Variants in SYT9 observed in about 807,000 individuals in gnomAD.
The protein encoded by SYT9 is synaptotagmin 9.
A neutral mutation model predicts 48.4 loss-of-function variants in SYT9; 22 were observed. That is an observed-to-expected ratio of 0.45 (90% CI 0.32 to 0.65). The LOEUF is 0.65. Among genes scored for constraint, SYT9 ranks in the 30% least tolerant of loss-of-function variants. The pLI is 0.03. For missense variants in SYT9, 577 were observed against 622.0 expected, an observed-to-expected ratio of 0.93 and a Z score of 0.77; for synonymous variants, 265 against 245.0, an observed-to-expected ratio of 1.08 and a Z score of -0.76.
chr11:7,280,926 CT>C (rs2133902045), intron 1 of SYT9, among the ~76,000 whole-genome samples: 1 of 152,232 alleles, frequency 6.6e-6, no homozygotes, highest in East Asian at 1.9e-4. Context: ...TGAATATTAC[CT>C]TTGTTTTCAG....
At chr11:7,371,828 T>C (rs1468503539) in intron 3 of SYT9, among the ~76,000 whole-genome samples, 3 of 152,168 alleles carry the variant, frequency 2.0e-5, no homozygotes, top group Non-Finnish European at 2.9e-5. Flanking sequence ...GTATCAGTAG[T>C]TTGTTCCTTT....
chr11:7,389,053 G>A (rs933300968), intron 3 of SYT9, among the ~76,000 whole-genome samples: 1 of 152,214 alleles, frequency 6.6e-6, no homozygotes, highest in Admixed American at 6.5e-5. Flanking sequence ...TAGGCTTGGT[G>A]TGCTTGAACC....
chr11:7,307,866 C>T lies in SYT9; in HGVS notation c.497+4476C>T, dbSNP rs1485971708. Among the ~76,000 whole-genome samples, 9 of 152,320 alleles carry T rather than the reference C, an allele frequency of 5.9e-5. No individual in the cohort carries two copies. In the South Asian group the frequency reaches 1.5e-3, roughly 25 times the overall value. On this transcript the variant is annotated intron_variant, in intron 2 of 6. Transcript: ENST00000318881. ...GATAAAGTATTCAAGGTTTCAAATC[C>T]GTTTAACTTTGGAGGGAGTGGGAGG... is the stretch of plus-strand genomic sequence containing the variant.
chr11:7,243,815 A>G (rs781684412), intron 1 of SYT9, among the ~76,000 whole-genome samples: 5 of 152,134 alleles, frequency 3.3e-5, no homozygotes, highest in African/African-American at 4.8e-5. Context: ...ACACTCTCTA[A>G]CCAATTTTGG....
At chr11:7,241,304 G>T (rs757153173) in intron 1 of SYT9, among the ~76,000 whole-genome samples, 4 of 151,600 alleles carry the variant, frequency 2.6e-5, no homozygotes, top group Non-Finnish European at 5.9e-5. Context: ...AGTGAAAAAT[G>T]ATAACAGAGA....
chr11:7,416,117 A>T lies in SYT9; in HGVS notation c.1120A>T (p.Ile374Leu), dbSNP rs1188106387. 2 of 1,614,092 alleles carry T rather than the reference A, an allele frequency of 1.2e-6. No individual in the cohort carries two copies. Among genetic ancestry groups the T allele is most frequent in the African/African-American group, 2.7e-5 (2 of 74,920 alleles). ...PTAGRLTITI[I>L]KARNLKAMDI... The stretch of plus-strand genomic sequence containing the variant: ...GGCTGGCAGGCTGACCATTACCATT[A>T]TAAAAGCAAGGAATTTAAAGGCAAT... Residue 374 changes from isoleucine (I) to leucine (L), a missense_variant, in exon 4 of 7, where the codon ATA becomes TTA. Transcript: ENST00000318881.
At chr11:7,394,225 C>T (rs1432706587) in intron 3 of SYT9, among the ~76,000 whole-genome samples, 1 of 150,354 alleles carries the variant, frequency 6.7e-6, no homozygotes. Flanking sequence ...GGTTTTTTGT[C>T]CTTGTGATAG....
intron 3 of SYT9, among the ~76,000 whole-genome samples, chr11:7,369,794 A>AAACACACACACACACACAC (rs1564879657): frequency 1.3e-4 from 18 of 143,984 alleles, no homozygotes; most frequent in African/African-American, 3.9e-4. Flanking sequence ...CACACACACA[A>AAACACACACACACACACAC]ACACACACAC....
intron 3 of SYT9, among the ~76,000 whole-genome samples, chr11:7,346,647 C>T (rs1406055260): frequency 6.6e-6 from 1 of 152,152 alleles, no homozygotes; most frequent in Non-Finnish European, 1.5e-5. Flanking sequence ...TTTATAGTAA[C>T]TACAAAATCA....
upstream of SYT9, among the ~76,000 whole-genome samples, chr11:7,248,120 C>A (rs949037731): frequency 1.3e-5 from 2 of 152,036 alleles, no homozygotes; most frequent in Admixed American, 1.3e-4. Context: ...ATTTGTATAT[C>A]TTCTTTTGAG....
intron 3 of SYT9, among the ~76,000 whole-genome samples, chr11:7,345,856 A>G (rs1292546242): frequency 2.0e-5 from 3 of 152,218 alleles, no homozygotes; most frequent in African/African-American, 7.2e-5. Context: ...GTTTTTGAAG[A>G]ATACTAATGT....
At chr11:7,247,249 C>A (rs78782430), upstream of SYT9, among the ~76,000 whole-genome samples, 2,285 of 152,046 alleles carry the variant, frequency 0.015, 53 homozygotes, top group African/African-American at 0.053. Flanking sequence ...ATCTCCTGCC[C>A]CCTTCCCACC....
chr11:7,264,372 C>CT lies in SYT9; in HGVS notation c.145+12049dup, dbSNP rs34360620. ...GTGTGTGTTTCTTCCATGTTCAGCT[C>CT]TTTTTTTTGCAGGCATGGAAGAGAG... On this transcript the variant is annotated intron_variant, in intron 1 of 6. Coordinates refer to ENST00000318881, the MANE Select transcript of SYT9 (RefSeq NM_175733.4). Among the ~76,000 whole-genome samples the CT allele has an allele frequency of 1.1e-4, 16 of 151,688 alleles. No homozygotes were observed. In the East Asian group the frequency reaches 2.3e-3, roughly 22 times the overall value.
At chr11:7,343,450 A>G (rs1849747725) in intron 3 of SYT9, among the ~76,000 whole-genome samples, 1 of 152,204 alleles carries the variant, frequency 6.6e-6, no homozygotes, top group Non-Finnish European at 1.5e-5. Context: ...AAATGTTGCC[A>G]GTCTCTTTGC....
chr11:7,447,012 A>G (rs978897912), intron 6 of SYT9, among the ~76,000 whole-genome samples: 3 of 152,136 alleles, frequency 2.0e-5, no homozygotes, highest in African/African-American at 4.8e-5. Flanking sequence ...TTGCTTCACT[A>G]TTTGCAGTTT....
At chr11:7,254,183 G>A (rs1316576568) in intron 1 of SYT9, among the ~76,000 whole-genome samples, 1 of 152,152 alleles carries the variant, frequency 6.6e-6, no homozygotes, top group East Asian at 1.9e-4. Flanking sequence ...CTAGAGATAG[G>A]AGTCGACCTT....
intron 1 of SYT9, among the ~76,000 whole-genome samples, chr11:7,255,970 G>T (rs558777582): frequency 6.6e-6 from 1 of 152,252 alleles, no homozygotes. Flanking sequence ...GGTTTTCCTT[G>T]TAGGGAATTA....
At chr11:7,276,721 T>G (rs1848399724) in intron 1 of SYT9, among the ~76,000 whole-genome samples, 1 of 152,168 alleles carries the variant, frequency 6.6e-6, no homozygotes, top group Non-Finnish European at 1.5e-5. Context: ...TGTGCTCTTT[T>G]GCATTTTCCT....
chr11:7,354,476 G>A (rs1348817173), intron 3 of SYT9, among the ~76,000 whole-genome samples: 1 of 152,116 alleles, frequency 6.6e-6, no homozygotes, highest in Non-Finnish European at 1.5e-5. Context: ...TCACAAACAG[G>A]CCTGAGGTAG....
Sources: gnomAD v4.1 joint callset for allele counts (sites outside exome capture counted in the v4.1 genomes callset) on GRCh38, gnomAD v4.1.1 for gene constraint, MANE v1.5 for transcripts, NCBI Gene and HGNC (gene_info 2026-07-23, HGNC 2026-07-21) for gene names.